SEPTIN14: variants seen among roughly 807,000 people sequenced by gnomAD.
The protein encoded by SEPTIN14 is septin-14.
SEPTIN14 carries 40 observed loss-of-function variants against 53.6 expected under a neutral mutation model. The observed-to-expected ratio is 0.75, with a 90% CI of 0.58 to 0.97. The LOEUF is 0.97. Among genes scored for constraint, SEPTIN14 ranks in the 50% least tolerant of loss-of-function variants. SEPTIN14 has a pLI of 0.00. For synonymous variants in SEPTIN14, 138 were observed against 166.8 expected (o/e 0.83, Z 1.33); for missense variants, 471 against 508.2 (o/e 0.93, Z 0.70).
At chr7:55,813,272 C>T (rs2115979493) in intron 7 of SEPTIN14, among the ~76,000 whole-genome samples, 2 of 152,174 alleles carry the variant, frequency 1.3e-5, no homozygotes, top group East Asian at 3.9e-4. Flanking sequence ...TAACCTAGCT[C>T]CCACTAAAGA....
chr7:55,840,069 T>C (rs1450607056), intron 5 of SEPTIN14, among the ~76,000 whole-genome samples: 1 of 140,120 alleles, frequency 7.1e-6, no homozygotes, highest in African/African-American at 2.7e-5. Flanking sequence ...CCCTTGAACC[T>C]GGGAGACGGA....
chr7:55,799,351 CAA>C (rs57842949), intron 9 of SEPTIN14, among the ~76,000 whole-genome samples: 24 of 104,748 alleles, frequency 2.3e-4, no homozygotes, highest in Middle Eastern at 4.9e-3. Flanking sequence ...ACTAAAAATA[CAA>C]AAAAAAAAAA....
intron 2 of SEPTIN14, among the ~76,000 whole-genome samples, chr7:55,859,285 T>A (rs911429482): frequency 6.6e-6 from 1 of 152,216 alleles, no homozygotes; most frequent in Non-Finnish European, 1.5e-5. Context: ...TGGTATAGTA[T>A]AAGATAATGG....
intron 8 of SEPTIN14, among the ~76,000 whole-genome samples, chr7:55,805,702 G>C (rs1461989283): frequency 4.6e-5 from 7 of 152,060 alleles, no homozygotes; most frequent in Non-Finnish European, 7.3e-5. Flanking sequence ...CTTAAGATCA[G>C]AGTATATAGA....
At chr7:55,810,302 G>A (rs2115972349) in intron 7 of SEPTIN14, among the ~76,000 whole-genome samples, 1 of 151,724 alleles carries the variant, frequency 6.6e-6, no homozygotes, top group African/African-American at 2.4e-5. Flanking sequence ...TTTTCCTTGT[G>A]TTATTTGTTT....
Position 55,837,412 on chromosome 7 carries a change from T to C in SEPTIN14, c.559-2826A>G, listed in dbSNP as rs541345426. ...GATTACAGGCGTGAGCCACCATGTC[T>C]GGCCCTTCTAAATTTTTTATGAAAA... On this transcript the variant is annotated intron_variant, in intron 5 of 9. Coordinates refer to ENST00000388975, the MANE Select transcript of SEPTIN14 (RefSeq NM_207366.3). 4.6e-5 allele frequency among the ~76,000 whole-genome samples: 7 copies of C among 151,854 alleles called. No individual in the cohort carries two copies. In the East Asian group the frequency reaches 1.4e-3, roughly 30 times the overall value.
intron 6 of SEPTIN14, among the ~76,000 whole-genome samples, chr7:55,833,458 G>C (rs116722935): frequency 6.6e-6 from 1 of 151,970 alleles, no homozygotes. Flanking sequence ...GGCCAGGCAC[G>C]GTGGCTCACA....
At chr7:55,821,811 T>C (rs902820143) in intron 6 of SEPTIN14, among the ~76,000 whole-genome samples, 1 of 152,204 alleles carries the variant, frequency 6.6e-6, no homozygotes, top group Non-Finnish European at 1.5e-5. Context: ...TAATTTTATT[T>C]TCAACTTTGG....
At chr7:55,834,651 T>G (rs1789171576) in intron 5 of SEPTIN14, 65 bp from the exon 6 acceptor site, 4 of 1,413,130 alleles carry the variant, frequency 2.8e-6, no homozygotes, top group Middle Eastern at 1.9e-4. Flanking sequence ...TGTTTTTTGT[T>G]TTTTGTTTTG....
chr7:55,822,856 C>CAAA (rs148179709), intron 6 of SEPTIN14, among the ~76,000 whole-genome samples: 69 of 104,394 alleles, frequency 6.6e-4, no homozygotes, highest in Non-Finnish European at 1.2e-3. Flanking sequence ...CAGGGGAAAG[C>CAAA]AAAAAAAAAA....
intron 7 of SEPTIN14, among the ~76,000 whole-genome samples, chr7:55,810,360 G>A (rs1273695755): frequency 6.6e-6 from 1 of 151,484 alleles, no homozygotes; most frequent in African/African-American, 2.4e-5. Flanking sequence ...TATATATTTT[G>A]GACATTTGCC....
intron 9 of SEPTIN14, among the ~76,000 whole-genome samples, chr7:55,801,854 G>T (rs1388268095): frequency 6.6e-6 from 1 of 152,064 alleles, no homozygotes; most frequent in Non-Finnish European, 1.5e-5. Flanking sequence ...CTGGGAGGTG[G>T]AAGTTGCAAT....
At chr7:55,842,820 G>T in intron 5 of SEPTIN14, 122 bp downstream of exon 5, 1 of 506,620 alleles carries the variant, frequency 2.0e-6, no homozygotes, top group Non-Finnish European at 3.3e-6. Context: ...GGCTGAAGCT[G>T]GAGAATGGCG....
chr7:55,797,490 A>C (rs10281689), intron 9 of SEPTIN14, among the ~76,000 whole-genome samples: 11,988 of 152,274 alleles, frequency 0.079, 1,156 homozygotes, highest in African/African-American at 0.23. Flanking sequence ...AAGTCAGGAG[A>C]GAATCAAATA....
intron 6 of SEPTIN14, among the ~76,000 whole-genome samples, chr7:55,829,845 G>A (rs984850842): frequency 4.8e-3 from 262 of 54,592 alleles, no homozygotes; most frequent in East Asian, 0.02. Flanking sequence ...AAAAAAAAAA[G>A]CCTCTTCATA....
chr7:55,841,539 G>T (rs1006142731), intron 5 of SEPTIN14, among the ~76,000 whole-genome samples: 15 of 151,970 alleles, frequency 9.9e-5, no homozygotes, highest in Non-Finnish European at 1.0e-4. Context: ...GGCCAACATG[G>T]CAAGACTCCG....
intron 9 of SEPTIN14, chr7:55,798,351 A>T (rs1788466766): frequency 3.6e-6 from 1 of 276,698 alleles, no homozygotes; most frequent in South Asian, 6.7e-5. Context: ...AACCCCACAC[A>T]CTTTGGGGGT....
chr7:55,805,539 A>G, intron 8 of SEPTIN14, 149 bp from the exon 9 acceptor site: 2 of 562,038 alleles, frequency 3.6e-6, no homozygotes, highest in South Asian at 4.8e-5. Flanking sequence ...AAAATAAAAT[A>G]AAATGAAAAA....
chr7:55,808,130 T>C (rs1024739257), intron 7 of SEPTIN14, among the ~76,000 whole-genome samples: 1 of 152,138 alleles, frequency 6.6e-6, no homozygotes, highest in African/African-American at 2.4e-5. Context: ...AAATATCAGA[T>C]TTAAACTACA....
Sources: allele counts gnomAD v4.1 joint callset (sites outside exome capture counted in the v4.1 genomes callset), GRCh38; gene constraint gnomAD v4.1.1; transcripts MANE v1.5; gene names NCBI Gene and HGNC (gene_info 2026-07-23, HGNC 2026-07-21).